SPNS3: variants seen among roughly 807,000 people sequenced by gnomAD.
SPNS3 encodes protein spinster homolog 3.
A neutral mutation model predicts 54.4 loss-of-function variants in SPNS3; 51 were observed. That is an observed-to-expected ratio of 0.94 (90% confidence interval 0.75 to 1.18). The LOEUF is 1.18. Ranked by LOEUF, SPNS3 falls within the 50% of genes most tolerant of loss-of-function variation. SPNS3 has a pLI of 0.00. For synonymous variants in SPNS3, 309 were observed against 294.7 expected (o/e 1.05, Z -0.50); for missense variants, 669 against 677.4 (o/e 0.99, Z 0.14).
At chr17:4,468,763 CTCTTTCTTTT>C (rs139853569) in intron 8 of SPNS3, among the ~76,000 whole-genome samples, 911 of 28,956 alleles carry the variant, frequency 0.031, 12 homozygotes, top group African/African-American at 0.055. Flanking sequence ...CTTTCTTTCT[CTCTTTCTTTT>C]TCTTTCTTTC....
intron 2 of SPNS3, among the ~76,000 whole-genome samples, chr17:4,441,526 C>T (rs999887932): frequency 2.1e-4 from 32 of 152,204 alleles, no homozygotes; most frequent in Non-Finnish European, 1.2e-4. Flanking sequence ...CATCTTGGTT[C>T]AACACCCACA....
At chr17:4,459,532 C>A (rs543394058) in intron 8 of SPNS3, among the ~76,000 whole-genome samples, 2 of 151,934 alleles carry the variant, frequency 1.3e-5, no homozygotes, top group African/African-American at 4.8e-5. Context: ...GGCAACACGG[C>A]AAAACCCTGT....
intron 8 of SPNS3, among the ~76,000 whole-genome samples, chr17:4,467,758 T>C (rs1315428005): frequency 6.6e-6 from 1 of 151,918 alleles, no homozygotes; most frequent in African/African-American, 2.4e-5. Context: ...CTCTGCCTGC[T>C]GAATTCAAGT....
rs1555528369 is a variant in SPNS3, at chr17:4,435,457, A to AAT, written c.199+1292_199+1293insTA. On this transcript the variant is annotated intron_variant, in intron 1 of 11. Transcript: ENST00000355530. Reference sequence around the variant, plus strand: ...CTCTGTCTCAAAAAAAAAAAAATAAAAAATAAAAAATAAATAAATAAATAA... The same window carrying AAT: ...CTCTGTCTCAAAAAAAAAAAAATAAAATAAATAAAAAATAAATAAATAAATAA... 1.3e-3 allele frequency among the ~76,000 whole-genome samples: 200 copies of AAT among 149,572 alleles called. 2 individuals are homozygous for AAT. The highest frequency in any genetic ancestry group is 0.011 in the South Asian group (51 of 4,776).
intron 9 of SPNS3, chr17:4,485,074 CG>C (rs1002021410): frequency 4.6e-5 from 7 of 151,992 alleles, no homozygotes; most frequent in Admixed American, 1.3e-4. Flanking sequence ...ATGACCGAAA[CG>C]TAAGTCCTAA....
intron 7 of SPNS3, among the ~76,000 whole-genome samples, chr17:4,451,187 C>G (rs1005830004): frequency 2.0e-5 from 3 of 151,914 alleles, no homozygotes; most frequent in African/African-American, 7.2e-5. Context: ...CTGGGCTGAG[C>G]CAGACCTCGC....
intron 8 of SPNS3, among the ~76,000 whole-genome samples, chr17:4,457,775 G>A (rs1010977768): frequency 6.6e-6 from 1 of 152,144 alleles, no homozygotes; most frequent in African/African-American, 2.4e-5. Flanking sequence ...GCAGCCTGGC[G>A]CATCTCTAGA....
chr17:4,449,749 G>A lies in SPNS3; in HGVS notation c.923+362G>A, dbSNP rs528646563. ...GCCACCCTTTAGAGGGGCCTGTAGC[G>A]TCTTCTGTGAGGGCATCCCATTTTA... is the stretch of plus-strand genomic sequence containing the variant. On this transcript the variant is annotated intron_variant, in intron 7 of 11. Transcript: ENST00000355530. 2.4e-4 allele frequency among the ~76,000 whole-genome samples: 36 copies of A among 152,060 alleles called. No individual in the cohort carries two copies. In the South Asian group the frequency reaches 3.1e-3, roughly 13 times the overall value.
rs113892986 is a variant in SPNS3, at chr17:4,451,215, G to A, written c.924-1801G>A. 4.7e-3 allele frequency among the ~76,000 whole-genome samples: 708 copies of A among 151,910 alleles called. 1 individual carries two copies. Among genetic ancestry groups the A allele is most frequent in the Non-Finnish European group, 8.1e-3 (552 of 67,948 alleles). The stretch of plus-strand genomic sequence containing the variant: ...GACCTCGCACAGCTTGGAAGCCTGG[G>A]AAGGTTTAGAAAGCACTTCTTCTTC... On this transcript the variant is annotated intron_variant, in intron 7 of 11. Transcript: ENST00000355530.
intron 8 of SPNS3, among the ~76,000 whole-genome samples, chr17:4,457,594 G>A (rs1041476469): frequency 1.3e-5 from 2 of 152,186 alleles, no homozygotes; most frequent in African/African-American, 4.8e-5. Flanking sequence ...CTCACAGGGA[G>A]GCTGGGGCCC....
Position 4,486,378 on chromosome 17 carries a change from T to C in SPNS3, c.1279-34T>C. The C allele has an allele frequency of 6.3e-7, 1 of 1,595,790 alleles. No individual in the cohort carries two copies. Among genetic ancestry groups the C allele is most frequent in the Non-Finnish European group, 8.5e-7 (1 of 1,170,010 alleles). ...GGGGAGGGTCTGGGGGCCAGGCTGG[T>C]GGGCCTGGCAGACTCATCCCTTCTC... On this transcript the variant is annotated intron_variant, in intron 10 of 11. Transcript: ENST00000355530. This position sits in a 1 kb window ranked among gnomAD's most constrained non-coding sequence, Gnocchi z 5.5.
intron 1 of SPNS3, among the ~76,000 whole-genome samples, chr17:4,437,560 G>C (rs1181030994): frequency 6.6e-6 from 1 of 151,906 alleles, no homozygotes; most frequent in Non-Finnish European, 1.5e-5. Context: ...CCAGCTACTT[G>C]GGAGGCCGAG....
intron 8 of SPNS3, among the ~76,000 whole-genome samples, chr17:4,476,638 G>T (rs1972008988): frequency 6.6e-6 from 1 of 152,164 alleles, no homozygotes; most frequent in Non-Finnish European, 1.5e-5. Flanking sequence ...GCTGGAATGT[G>T]GATCCGCAGC....
intron 8 of SPNS3, among the ~76,000 whole-genome samples, chr17:4,472,065 A>G (rs7217281): frequency 0.86 from 129,877 of 151,488 alleles, 56,001 homozygotes; most frequent in East Asian, 1. Context: ...TACCATGTTG[A>G]CCAGGCTGGT....
In SPNS3 at chr17:4,486,464, G is replaced by A. The variant is rs61734113; in HGVS notation, c.1331G>A (p.Arg444His). ...CCTGACTCCTATCTGCAGCGCTTCC[G>A]CAGCCTGCAGCAGAGCTTCCTGTGC... ...RRPDSYLQRF[R>H]SLQQSFLCCA... Residue 444 changes from arginine to histidine, a missense_variant, in exon 11 of 12, where the codon CGC becomes CAC. Coordinates refer to ENST00000355530, the MANE Select transcript of SPNS3 (RefSeq NM_182538.5). This position sits in a 1 kb window ranked among gnomAD's most constrained non-coding sequence, Gnocchi z 5.5. 51 of 1,612,824 alleles carry A rather than the reference G, an allele frequency of 3.2e-5. No individual in the cohort carries two copies. In the Middle Eastern group the frequency reaches 6.6e-4, roughly 21 times the overall value.
chr17:4,451,576 T>C (rs1292177489), intron 7 of SPNS3, among the ~76,000 whole-genome samples: 1 of 152,186 alleles, frequency 6.6e-6, no homozygotes, highest in East Asian at 1.9e-4. Context: ...AGGGAGCTAT[T>C]GAGAGGTTGG....
intron 8 of SPNS3, among the ~76,000 whole-genome samples, chr17:4,467,972 C>A (rs1971729354): frequency 6.6e-6 from 1 of 152,184 alleles, no homozygotes; most frequent in South Asian, 2.1e-4. Flanking sequence ...CGCCTGGCTA[C>A]TTCCACCTGA....
At chr17:4,468,763 C>CTTTCTTTCTTTTTCTT (rs59681919) in intron 8 of SPNS3, among the ~76,000 whole-genome samples, 1 of 28,970 alleles carries the variant, frequency 3.5e-5, no homozygotes, top group Non-Finnish European at 1.2e-4. Flanking sequence ...CTTTCTTTCT[C>CTTTCTTTCTTTTTCTT]TCTTTCTTTT....
Position 4,457,391 on chromosome 17 carries a change from C to G in SPNS3, c.1113+4186C>G, listed in dbSNP as rs62064860. ...TGGGTGACAGAGTAGGACCCTGTCT[C>G]AAAACAAACAAACAAACAATCAACC... On this transcript the variant is annotated intron_variant, in intron 8 of 11. Transcript: ENST00000355530. Among the ~76,000 whole-genome samples, 1,381 of 152,300 alleles carry G rather than the reference C, an allele frequency of 9.1e-3. 15 individuals carry two copies. Among genetic ancestry groups the G allele is most frequent in the Non-Finnish European group, 0.014 (930 of 68,022 alleles).
Sources: allele counts gnomAD v4.1 joint callset (sites outside exome capture counted in the v4.1 genomes callset), GRCh38; gene constraint gnomAD v4.1.1; non-coding constraint Gnocchi (gnomAD v3.1); transcripts MANE v1.5; gene names NCBI Gene and HGNC (gene_info 2026-07-23, HGNC 2026-07-21).